PDE7A: variants seen among roughly 807,000 people sequenced by gnomAD.
The protein encoded by PDE7A is high affinity 3',5'-cyclic-AMP phosphodiesterase 7A.
Under a neutral mutation model 64.3 loss-of-function variants are expected in PDE7A, and 39 were observed. The ratio of observed to expected loss-of-function variants is 0.61; its 90% CI spans 0.47 to 0.79. The LOEUF (loss-of-function observed/expected upper bound fraction) is 0.79. PDE7A is among the 30% of genes least tolerant of loss of function. PDE7A has a pLI of 0.00. For synonymous variants in PDE7A, 203 were observed against 206.8 expected (o/e 0.98, Z 0.16); for missense variants, 470 against 582.8 (o/e 0.81, Z 1.99).
chr8:65,815,574 T>C (rs1810380796), intron 1 of PDE7A, among the ~76,000 whole-genome samples: 1 of 152,198 alleles, frequency 6.6e-6, no homozygotes, highest in South Asian at 2.1e-4. Context: ...GAGAGATGTG[T>C]TCATTTTATA....
intron 5 of PDE7A, among the ~76,000 whole-genome samples, chr8:65,743,776 A>G (rs985131772): frequency 6.6e-6 from 1 of 152,214 alleles, no homozygotes; most frequent in Non-Finnish European, 1.5e-5. Flanking sequence ...TCATTATTCT[A>G]AAGTCAGCAC....
chr8:65,723,431 A>T (rs1041678136), intron 12 of PDE7A, 110 bp downstream of exon 12: 2 of 1,061,512 alleles, frequency 1.9e-6, no homozygotes, highest in Non-Finnish European at 2.5e-6. Context: ...AATTATTTTT[A>T]AAAATAGAAA....
chr8:65,832,924 A>C (rs1810867807), intron 1 of PDE7A, among the ~76,000 whole-genome samples: 1 of 152,172 alleles, frequency 6.6e-6, no homozygotes, highest in African/African-American at 2.4e-5. Flanking sequence ...TGGCAAAAGG[A>C]AGTAGAAGAG....
At position 65,724,770 on chromosome 8, in the gene PDE7A, AT is replaced by A; in HGVS notation, c.1065+6del. Reference sequence around the variant, plus strand: ...TAGAAATAGAATGTTTCCAAGCCCCATTTTACCTGTAAAACCAAATGTCTGT... The same window carrying A: ...TAGAAATAGAATGTTTCCAAGCCCCATTTACCTGTAAAACCAAATGTCTGT... On this transcript the variant is annotated splice_donor_region_variant and intron_variant, in intron 10 of 12. Transcript: ENST00000401827. 1 of 1,600,200 alleles carries A rather than the reference AT, an allele frequency of 6.2e-7. No individual in the cohort carries two copies. The highest frequency in any genetic ancestry group is 1.1e-5 in the South Asian group (1 of 88,010).
intron 6 of PDE7A, among the ~76,000 whole-genome samples, chr8:65,736,515 G>A (rs1035640535): frequency 2.0e-5 from 3 of 152,184 alleles, no homozygotes; most frequent in Non-Finnish European, 4.4e-5. Flanking sequence ...CACTTTGGGA[G>A]GCTGAGGCTG....
At chr8:65,785,412 T>C (rs1181572417) in intron 1 of PDE7A, among the ~76,000 whole-genome samples, 2 of 152,106 alleles carry the variant, frequency 1.3e-5, no homozygotes, top group Admixed American at 6.6e-5. Flanking sequence ...AGGGACCAAA[T>C]CATATAGACT....
At chr8:65,731,982 T>TATTATC (rs1378013604) in intron 7 of PDE7A, among the ~76,000 whole-genome samples, 1 of 151,824 alleles carries the variant, frequency 6.6e-6, no homozygotes, top group East Asian at 1.9e-4. Flanking sequence ...TTATTATTAT[T>TATTATC]ATTATTGTTG....
intron 7 of PDE7A, among the ~76,000 whole-genome samples, chr8:65,731,041 A>AC (rs1198163225): frequency 1.3e-5 from 2 of 152,212 alleles, no homozygotes; most frequent in Non-Finnish European, 2.9e-5. Context: ...CCAAGTACCT[A>AC]CCATGTGCTG....
At chr8:65,833,364 T>C (rs951499890) in intron 1 of PDE7A, among the ~76,000 whole-genome samples, 1 of 152,204 alleles carries the variant, frequency 6.6e-6, no homozygotes, top group Non-Finnish European at 1.5e-5. Context: ...AGATAGGATT[T>C]GAAAAGATCA....
chr8:65,836,092 T>C (rs749307228), intron 1 of PDE7A, among the ~76,000 whole-genome samples: 1 of 152,196 alleles, frequency 6.6e-6, no homozygotes, highest in Non-Finnish European at 1.5e-5. Flanking sequence ...GTTTTGAGAA[T>C]ACACAGGTAG....
At chr8:65,798,193 TATATATATATATA>T (rs1359298568) in intron 1 of PDE7A, among the ~76,000 whole-genome samples, 1 of 22,036 alleles carries the variant, frequency 4.5e-5, no homozygotes, top group Admixed American at 7.8e-4. Flanking sequence ...TATATATATA[TATATATATATATA>T]TTTTTTTTTT....
chr8:65,838,841 C>T (rs1291001627), intron 1 of PDE7A: 2 of 152,198 alleles, frequency 1.3e-5, no homozygotes, highest in Admixed American at 1.3e-4. Context: ...AAATTTGCTG[C>T]TACTTGAAAA....
At chr8:65,744,699 C>T (rs1156471113) in intron 5 of PDE7A, among the ~76,000 whole-genome samples, 1 of 152,036 alleles carries the variant, frequency 6.6e-6, no homozygotes, top group African/African-American at 2.4e-5. Flanking sequence ...TGGCCACAAT[C>T]TAAAAGAAAC....
intron 1 of PDE7A, among the ~76,000 whole-genome samples, chr8:65,793,174 T>C (rs1809746194): frequency 6.6e-6 from 1 of 152,152 alleles, no homozygotes; most frequent in Admixed American, 6.6e-5. Flanking sequence ...AGAGATAAAG[T>C]ATTTGGGCGG....
At chr8:65,767,977 G>A (rs1808878260) in intron 3 of PDE7A, among the ~76,000 whole-genome samples, 1 of 152,152 alleles carries the variant, frequency 6.6e-6, no homozygotes, top group African/African-American at 2.4e-5. Flanking sequence ...TGGGGGCTGG[G>A]AGGCAGGTTT....
At chr8:65,823,389 A>C (rs1158404781) in intron 1 of PDE7A, among the ~76,000 whole-genome samples, 2 of 152,212 alleles carry the variant, frequency 1.3e-5, no homozygotes. Context: ...GTATGTTATT[A>C]TTATTTAAAA....
intron 4 of PDE7A, 64 bp from the exon 5 acceptor site, chr8:65,745,534 T>C (rs773586576): frequency 1.4e-4 from 128 of 888,288 alleles, no homozygotes; most frequent in Non-Finnish European, 2.2e-4. Flanking sequence ...TTTGGAGATA[T>C]TCCATAGAGA....
intron 7 of PDE7A, among the ~76,000 whole-genome samples, chr8:65,732,037 C>T (rs147430153): frequency 6.6e-4 from 100 of 152,010 alleles, no homozygotes; most frequent in African/African-American, 2.3e-3. Context: ...TTCACTCTGT[C>T]GCCCAGGCTG....
In PDE7A at chr8:65,841,993, C is replaced by G. The variant is rs1216464678; in HGVS notation, c.-485G>C. 1 of 258,264 alleles carries G rather than the reference C, an allele frequency of 3.9e-6. No individual in the cohort carries two copies. Among genetic ancestry groups the G allele is most frequent in the East Asian group, 1.6e-4 (1 of 6,264 alleles). The allele number at this position is 258,264 out of a possible 1,614,324, so 16.0% of individuals were successfully genotyped here. On this transcript the variant is annotated 5_prime_UTR_variant, in exon 1 of 13. Transcript: ENST00000401827. The stretch of plus-strand genomic sequence containing the variant: ...CCGCCGCCGCCGCCGCCGCCGCCGC[C>G]GGAGTCCTGCTCCTCCCCTCCCCCG...
Sources: gnomAD v4.1 joint callset for allele counts (sites outside exome capture counted in the v4.1 genomes callset) on GRCh38, gnomAD v4.1.1 for gene constraint, MANE v1.5 for transcripts, NCBI Gene and HGNC (gene_info 2026-07-23, HGNC 2026-07-21) for gene names.